Variants in DPYD observed in about 807,000 individuals in gnomAD.
DPYD encodes dihydropyrimidine dehydrogenase [NADP(+)].
A neutral mutation model predicts 116.2 loss-of-function variants in DPYD; 109 were observed. That is an observed-to-expected ratio of 0.94 (90% CI 0.80 to 1.10). The LOEUF (loss-of-function observed/expected upper bound fraction) is 1.10. Among genes scored for constraint, DPYD ranks in the 50% least tolerant of loss-of-function variants. The pLI, the probability that DPYD is intolerant of heterozygous loss-of-function variation, is 0.00. For synonymous variants in DPYD, 440 were observed against 432.0 expected (o/e 1.02, Z -0.23); for missense variants, 1,302 against 1,254.5 (o/e 1.04, Z -0.57).
At chr1:97,828,378 C>T (rs1669353130) in intron 2 of DPYD, among the ~76,000 whole-genome samples, 182 bp from the exon 3 acceptor site, 1 of 152,082 alleles carries the variant, frequency 6.6e-6, no homozygotes, top group Admixed American at 6.6e-5. Context: ...AAAATAAAAA[C>T]ATTTTATGAT....
At chr1:97,274,040 T>C (rs1005045979) in intron 18 of DPYD, among the ~76,000 whole-genome samples, 4 of 152,200 alleles carry the variant, frequency 2.6e-5, no homozygotes, top group Admixed American at 6.5e-5. Flanking sequence ...CTTTGATGCC[T>C]ATTGTGCTAA....
At chr1:97,471,552 T>A (rs1004292260) in intron 13 of DPYD, among the ~76,000 whole-genome samples, 2 of 151,342 alleles carry the variant, frequency 1.3e-5, no homozygotes, top group Non-Finnish European at 2.9e-5. Flanking sequence ...GAAATGAGTA[T>A]TTTCACAGTA....
chr1:97,125,226 G>A (rs560201338), intron 20 of DPYD, among the ~76,000 whole-genome samples: 4 of 152,108 alleles, frequency 2.6e-5, no homozygotes, highest in Admixed American at 6.6e-5. Flanking sequence ...AGATAAGACT[G>A]TTTGCTTGTG....
At chr1:97,316,397 C>A (rs1000796638) in intron 16 of DPYD, among the ~76,000 whole-genome samples, 5 of 151,086 alleles carry the variant, frequency 3.3e-5, no homozygotes, top group African/African-American at 1.2e-4. Flanking sequence ...ACCTGTAATC[C>A]CAGCTACTCA....
At chr1:97,352,575 A>T (rs1441195499) in intron 16 of DPYD, among the ~76,000 whole-genome samples, 1 of 152,088 alleles carries the variant, frequency 6.6e-6, no homozygotes, top group East Asian at 1.9e-4. Flanking sequence ...AAAAAAAAAA[A>T]AAAATCTTAC....
At chr1:97,249,337 C>A (rs1209867277) in intron 18 of DPYD, among the ~76,000 whole-genome samples, 1 of 151,716 alleles carries the variant, frequency 6.6e-6, no homozygotes, top group Non-Finnish European at 1.5e-5. Flanking sequence ...GGAAAAAAGC[C>A]ATTCTAACAA....
chr1:97,476,897 T>C (rs896115980), intron 13 of DPYD, among the ~76,000 whole-genome samples: 8 of 152,314 alleles, frequency 5.3e-5, no homozygotes, highest in South Asian at 2.1e-4. Flanking sequence ...GTATTAAGTG[T>C]GTAATAGCAT....
At chr1:97,892,346 C>T (rs1672821730) in intron 1 of DPYD, among the ~76,000 whole-genome samples, 1 of 151,608 alleles carries the variant, frequency 6.6e-6, no homozygotes, top group South Asian at 2.1e-4. Flanking sequence ...GTTTAAAAGC[C>T]CCAGTCTCAG....
intron 20 of DPYD, among the ~76,000 whole-genome samples, chr1:97,135,023 T>G (rs1653678358): frequency 6.6e-6 from 1 of 152,050 alleles, no homozygotes; most frequent in South Asian, 2.1e-4. Context: ...TGGAGATAAT[T>G]GATATTTTAA....
At chr1:97,160,757 CTG>C (rs1231251122) in intron 20 of DPYD, among the ~76,000 whole-genome samples, 1 of 152,126 alleles carries the variant, frequency 6.6e-6, no homozygotes, top group African/African-American at 2.4e-5. Flanking sequence ...CCACAAGAGA[CTG>C]TACTATGACT....
At chr1:97,098,459 G>A in intron 21 of DPYD, 30 bp downstream of exon 21, 1 of 1,602,828 alleles carries the variant, frequency 6.2e-7, no homozygotes, top group Non-Finnish European at 8.5e-7. Context: ...AGTAAAGTAG[G>A]CATACTTATA....
chr1:97,449,196 CT>C (rs1676257417), intron 14 of DPYD, among the ~76,000 whole-genome samples: 1 of 152,054 alleles, frequency 6.6e-6, no homozygotes, highest in Non-Finnish European at 1.5e-5. Context: ...TAAGTGTTGT[CT>C]TTTGTCTTTG....
chr1:97,652,928 T>C (rs918259942), intron 8 of DPYD, among the ~76,000 whole-genome samples: 20 of 152,158 alleles, frequency 1.3e-4, no homozygotes, highest in Admixed American at 2.0e-4. Flanking sequence ...CCCATAAGTA[T>C]CACAGTTTTC....
chr1:97,590,324 G>A (rs948678795), intron 10 of DPYD, among the ~76,000 whole-genome samples: 6 of 152,138 alleles, frequency 3.9e-5, no homozygotes, highest in African/African-American at 1.4e-4. Context: ...AAGGCCTACT[G>A]TTATAATATT....
At chr1:97,138,215 A>G (rs776050415) in intron 20 of DPYD, among the ~76,000 whole-genome samples, 24 of 152,146 alleles carry the variant, frequency 1.6e-4, no homozygotes, top group Non-Finnish European at 2.9e-4. Context: ...TGAGAATGGC[A>G]TGTGGAAACA....
In DPYD at chr1:97,736,404, A is replaced by C. The variant is rs542587271; in HGVS notation, c.321+3988T>G. On this transcript the variant is annotated intron_variant, in intron 4 of 22. Coordinates refer to ENST00000370192, the MANE Select transcript of DPYD (RefSeq NM_000110.4). The stretch of plus-strand genomic sequence containing the variant: ...AAACAAAAATTAAGATAGTCTGGCA[A>C]CAAAAAAAAAACCCTTTCTGAATAA... Among the ~76,000 whole-genome samples the C allele has an allele frequency of 3.3e-5, 5 of 151,526 alleles. No homozygotes were observed. The South Asian group carries it at 1.0e-3, about 31-fold the overall frequency.
chr1:97,902,500 G>C (rs1032828621), intron 1 of DPYD, among the ~76,000 whole-genome samples: 3 of 151,758 alleles, frequency 2.0e-5, no homozygotes, highest in African/African-American at 2.4e-5. Flanking sequence ...AATTTCCATA[G>C]GAAAGATTAC....
At chr1:97,560,116 A>G (rs780358899) in intron 11 of DPYD, among the ~76,000 whole-genome samples, 2 of 152,186 alleles carry the variant, frequency 1.3e-5, no homozygotes, top group Non-Finnish European at 2.9e-5. Flanking sequence ...AGGCACTGCA[A>G]CTTGGGATCA....
intron 2 of DPYD, among the ~76,000 whole-genome samples, chr1:97,875,262 G>A (rs967317142): frequency 2.0e-5 from 3 of 151,798 alleles, no homozygotes; most frequent in Non-Finnish European, 2.9e-5. Context: ...TGAATAATTC[G>A]GTTTTTGACA....
Sources: gnomAD v4.1 joint callset for allele counts (sites outside exome capture counted in the v4.1 genomes callset) on GRCh38, gnomAD v4.1.1 for gene constraint, MANE v1.5 for transcripts, NCBI Gene and HGNC (gene_info 2026-07-23, HGNC 2026-07-21) for gene names.